Variants in DISC1 observed in about 807,000 individuals in gnomAD.
The protein encoded by DISC1 is DISC1 scaffold protein, also known as disrupted in schizophrenia 1 protein.
DISC1 carries 57 observed loss-of-function variants against 84.5 expected under a neutral mutation model. That is an observed-to-expected ratio of 0.67 (90% CI 0.55 to 0.84). The LOEUF is 0.84. Among genes scored for constraint, DISC1 ranks in the 40% least tolerant of loss-of-function variants. The pLI, the probability that DISC1 is intolerant of heterozygous loss-of-function variation, is 0.00. For synonymous variants in DISC1, 411 were observed against 415.2 expected, an observed-to-expected ratio of 0.99 and a Z score of 0.12; for missense variants, 1,000 against 1,057.8, an observed-to-expected ratio of 0.95 and a Z score of 0.76.
At chr1:231,691,518 A>G (rs923915252) in intron 1 of DISC1, among the ~76,000 whole-genome samples, 3 of 152,222 alleles carry the variant, frequency 2.0e-5, no homozygotes, top group Non-Finnish European at 4.4e-5. Context: ...GAAATTTCAA[A>G]CAAATTATTT....
chr1:231,726,519 C>G lies in DISC1; in HGVS notation c.1118-23407C>G, dbSNP rs1467408621. On this transcript the variant is annotated intron_variant, in intron 3 of 12. Coordinates refer to ENST00000439617, the MANE Select transcript of DISC1 (RefSeq NM_018662.3). Reference sequence around the variant, plus strand: ...CAGTTTACCAGTGGGGAAATTCAGTCTATCTCCCTGGACAGGTGAAAGCAG... The same window carrying G: ...CAGTTTACCAGTGGGGAAATTCAGTGTATCTCCCTGGACAGGTGAAAGCAG... Among the ~76,000 whole-genome samples, 4 of 152,222 alleles carry G rather than the reference C, an allele frequency of 2.6e-5. No homozygotes were observed. In the East Asian group the frequency reaches 5.8e-4, roughly 22 times the overall value.
At chr1:231,740,288 G>A (rs1055054093) in intron 3 of DISC1, among the ~76,000 whole-genome samples, 1 of 152,212 alleles carries the variant, frequency 6.6e-6, no homozygotes, top group Admixed American at 6.5e-5. Flanking sequence ...AAAACATCTT[G>A]TGGAGGTATT....
In DISC1 at chr1:231,694,821, A is replaced by C. The variant is rs2065435063; in HGVS notation, c.1047+16A>C. The C allele has an allele frequency of 6.2e-7, 1 of 1,610,990 alleles. No homozygotes were observed. The highest frequency in any genetic ancestry group is 8.5e-7 in the Non-Finnish European group (1 of 1,179,004). ...GCAGATGGAGGTCAGTGTCTCTTCC[A>C]CCTCTGTGGCCCGAGATTGTCGTGA... is the stretch of plus-strand genomic sequence containing the variant. On this transcript the variant is annotated intron_variant, in intron 2 of 12. Coordinates refer to ENST00000439617, the MANE Select transcript of DISC1 (RefSeq NM_018662.3).
chr1:231,798,126 C>CACACACACACACACAG (rs1215755089), intron 7 of DISC1, among the ~76,000 whole-genome samples: 5 of 151,332 alleles, frequency 3.3e-5, no homozygotes, highest in Admixed American at 6.6e-5. Context: ...CACACACACA[C>CACACACACACACACAG]ACACACACAT....
chr1:231,839,960 A>T (rs1432516979), intron 9 of DISC1, among the ~76,000 whole-genome samples: 1 of 152,210 alleles, frequency 6.6e-6, no homozygotes, highest in Non-Finnish European at 1.5e-5. Context: ...ACCTCCCACA[A>T]GGCCCCACCT....
chr1:231,988,606 G>C (rs960649599), intron 10 of DISC1, among the ~76,000 whole-genome samples: 5 of 152,202 alleles, frequency 3.3e-5, no homozygotes, highest in African/African-American at 1.2e-4. Context: ...CCACCTGCAA[G>C]AAATTGGGAA....
intron 9 of DISC1, among the ~76,000 whole-genome samples, chr1:231,895,317 A>G (rs970773640): frequency 9.2e-5 from 14 of 151,626 alleles, no homozygotes; most frequent in African/African-American, 2.9e-4. Context: ...AAATTTTTAT[A>G]ATATAAAGCC....
chr1:231,750,022 T>G lies in DISC1; in HGVS notation c.1214T>G (p.Leu405Arg). The part of the protein sequence containing the change: ...PSRQPALSSF[L>R]GHLAAQVQAA... ...AGGCAGCCAGCTCTTAGCAGTTTCC[T>G]GGGTCACCTGGCAGCACAAGTCCAG... is the stretch of plus-strand genomic sequence containing the variant. Residue 405 changes from leucine to arginine, a missense_variant, in exon 4 of 13, where the codon CTG (leucine) becomes CGG (arginine). By Grantham distance (102) the Leu-to-Arg change is moderately radical (BLOSUM62 -2). Around this residue, in one of 3 missense-constraint regions of DISC1, gnomAD observed 311 missense variants for 400.1 expected, o/e 0.78. Transcript: ENST00000439617. 2 of 1,614,222 alleles carry G rather than the reference T, an allele frequency of 1.2e-6. No homozygotes were observed. Among genetic ancestry groups the G allele is most frequent in the Admixed American group, 3.3e-5 (2 of 60,024 alleles).
At chr1:231,740,504 G>A (rs2073109497) in intron 3 of DISC1, among the ~76,000 whole-genome samples, 1 of 152,204 alleles carries the variant, frequency 6.6e-6, no homozygotes, top group African/African-American at 2.4e-5. Context: ...GGGTGGCTGA[G>A]CGAGCTCACT....
In DISC1 at chr1:231,694,088, T is replaced by C. The variant is rs2065364158; in HGVS notation, c.330T>C (p.Ser110=). 2 of 1,614,074 alleles carry C rather than the reference T, an allele frequency of 1.2e-6. No homozygotes were observed. The highest frequency in any genetic ancestry group is 3.3e-5 in the Admixed American group (2 of 60,008). The change falls in exon 2 of 13, where the codon TCT becomes TCC. Residue 110 remains serine, a synonymous_variant. Transcript: ENST00000439617. ...GTGCAGCAGCCCCTACTGTGACCTC[T>C]GTGAGAGGAACCTCGGCGCACTTTG... ...SKSAAAPTVT[S]VRGTSAHFGI...
chr1:231,850,775 GT>G (rs1344201963), intron 9 of DISC1, among the ~76,000 whole-genome samples: 1 of 152,214 alleles, frequency 6.6e-6, no homozygotes, highest in Non-Finnish European at 1.5e-5. Flanking sequence ...TATTTAAAGG[GT>G]ACGTCTTTGG....
intron 3 of DISC1, among the ~76,000 whole-genome samples, chr1:231,717,041 C>T (rs1166900002): frequency 6.6e-6 from 1 of 152,140 alleles, no homozygotes; most frequent in Non-Finnish European, 1.5e-5. Context: ...CCAGATTTAG[C>T]AAGCTCTGCA....
At chr1:231,746,870 G>A (rs2125304560) in intron 3 of DISC1, among the ~76,000 whole-genome samples, 1 of 152,130 alleles carries the variant, frequency 6.6e-6, no homozygotes, top group East Asian at 1.9e-4. Context: ...CTGTTGGATG[G>A]GTAGTTTGCA....
intron 9 of DISC1, among the ~76,000 whole-genome samples, chr1:231,957,714 A>T (rs1056435865): frequency 2.6e-5 from 4 of 152,218 alleles, no homozygotes; most frequent in African/African-American, 9.6e-5. Flanking sequence ...GTCTCTTTTT[A>T]TCTTTTATGG....
Position 231,698,343 on chromosome 1 carries a change from G to A in DISC1, c.1047+3538G>A, listed in dbSNP as rs1336419814. On this transcript the variant is annotated intron_variant, in intron 2 of 12. Transcript: ENST00000439617. This position sits in a 1 kb window ranked among gnomAD's most constrained non-coding sequence, Gnocchi z 4.9. ...TGCTGTTTAGAAATCGCTGCTTAGC[G>A]AGATTTCCAGGGGTTGCATGGGACT... 1.3e-5 allele frequency among the ~76,000 whole-genome samples: 2 copies of A among 152,216 alleles called. No homozygotes were observed. The highest frequency in any genetic ancestry group is 6.5e-5 in the Admixed American group (1 of 15,274).
At position 231,627,526 on chromosome 1, in the gene DISC1, G is replaced by A. The variant is rs569001391; in HGVS notation, c.67+592G>A. On this transcript the variant is annotated intron_variant, in intron 1 of 12. Coordinates refer to ENST00000439617, the MANE Select transcript of DISC1 (RefSeq NM_018662.3). Reference sequence around the variant, plus strand: ...CCACTTCCTACTTGGCTACAGTAACGGGGATGGCCCAAGCCGGAGACTGCT... The same window carrying A: ...CCACTTCCTACTTGGCTACAGTAACAGGGATGGCCCAAGCCGGAGACTGCT... Among the ~76,000 whole-genome samples the A allele has an allele frequency of 2.4e-3, 370 of 152,378 alleles. 3 individuals carry two copies. The highest frequency in any genetic ancestry group is 8.5e-3 in the African/African-American group (354 of 41,602).
At chr1:231,962,727 G>T (rs1348413601) in intron 10 of DISC1, among the ~76,000 whole-genome samples, 1 of 152,174 alleles carries the variant, frequency 6.6e-6, no homozygotes, top group Non-Finnish European at 1.5e-5. Flanking sequence ...AATTGTAGAT[G>T]AAAACCTATA....
rs373116107 is a variant in DISC1, at chr1:231,767,272, G to A, written c.1398+3G>A. 6 of 1,614,044 alleles carry A rather than the reference G, an allele frequency of 3.7e-6. No homozygotes were observed. In the African/African-American group the frequency reaches 6.7e-5, roughly 18 times the overall value. The stretch of plus-strand genomic sequence containing the variant: ...TTCAGGAAAAGCAGCAGCTACAGGT[G>A]AGCAGGTGAAAGATCTTCAAGAAAT... On this transcript the variant is annotated splice_donor_region_variant and intron_variant, in intron 5 of 12. Coordinates refer to ENST00000439617, the MANE Select transcript of DISC1 (RefSeq NM_018662.3).
At chr1:231,905,397 T>C (rs1571949912) in intron 9 of DISC1, among the ~76,000 whole-genome samples, 1 of 152,082 alleles carries the variant, frequency 6.6e-6, no homozygotes, top group East Asian at 1.9e-4. Context: ...GGTGGGAGGA[T>C]TGCTTGAGCC....
Sources: allele counts gnomAD v4.1 joint callset (sites outside exome capture counted in the v4.1 genomes callset), GRCh38; gene constraint gnomAD v4.1.1; regional missense constraint gnomAD v4.1.1; non-coding constraint Gnocchi (gnomAD v3.1); transcripts MANE v1.5; gene names NCBI Gene and HGNC (gene_info 2026-07-23, HGNC 2026-07-21).